Variants in FMN2 observed in about 807,000 individuals in gnomAD.
The protein encoded by FMN2 is formin-2.
A neutral mutation model predicts 142.3 loss-of-function variants in FMN2; 51 were observed. The ratio of observed to expected loss-of-function variants is 0.36; its 90% CI spans 0.29 to 0.45. The LOEUF is 0.45. FMN2 is among the 20% of genes least tolerant of loss of function. The pLI is 1.00. For synonymous variants in FMN2, 882 were observed against 869.8 expected, an observed-to-expected ratio of 1.01 and a Z score of -0.25; for missense variants, 1,936 against 2,122.8, an observed-to-expected ratio of 0.91 and a Z score of 1.73.
At chr1:240,265,996 G>A (rs1475199988) in intron 7 of FMN2, among the ~76,000 whole-genome samples, 4 of 143,082 alleles carry the variant, frequency 2.8e-5, no homozygotes, top group African/African-American at 7.8e-5. Flanking sequence ...AAAGGAGGGT[G>A]TAGAATCCAG....
At chr1:240,195,077 C>T (rs1010451001) in intron 4 of FMN2, among the ~76,000 whole-genome samples, 5 of 152,128 alleles carry the variant, frequency 3.3e-5, no homozygotes, top group African/African-American at 4.8e-5. Context: ...AAGTTGCTTT[C>T]ATTGCATAGG....
chr1:240,136,808 C>T (rs1662959690), intron 2 of FMN2, among the ~76,000 whole-genome samples: 1 of 152,074 alleles, frequency 6.6e-6, no homozygotes, highest in Admixed American at 6.6e-5. Context: ...TGCGGTGGCT[C>T]ACACCTGTAA....
chr1:240,238,057 A>G (rs943423969), intron 6 of FMN2, among the ~76,000 whole-genome samples: 2 of 152,240 alleles, frequency 1.3e-5, no homozygotes, highest in African/African-American at 4.8e-5. Flanking sequence ...AGCAGAATGA[A>G]CTAGCTGGAA....
intron 16 of FMN2, among the ~76,000 whole-genome samples, chr1:240,451,810 T>G (rs1410547924): frequency 6.6e-6 from 1 of 152,098 alleles, no homozygotes; most frequent in Non-Finnish European, 1.5e-5. Flanking sequence ...ATAGTATCTG[T>G]CATTATATTA....
intron 15 of FMN2, among the ~76,000 whole-genome samples, chr1:240,402,041 C>T (rs1319109527): frequency 2.0e-5 from 3 of 152,210 alleles, no homozygotes; most frequent in African/African-American, 4.8e-5. Context: ...TTCTTGAAGG[C>T]TTATTCATGT....
intron 13 of FMN2, among the ~76,000 whole-genome samples, chr1:240,350,059 G>T (rs988191627): frequency 6.6e-6 from 1 of 151,924 alleles, no homozygotes; most frequent in African/African-American, 2.4e-5. Flanking sequence ...AGAGAAGAAT[G>T]GTGTCCAGTC....
intron 4 of FMN2, among the ~76,000 whole-genome samples, chr1:240,203,589 A>G (rs898655423): frequency 2.6e-5 from 4 of 152,310 alleles, no homozygotes; most frequent in African/African-American, 9.6e-5. Context: ...GTTCTCACTT[A>G]TAAGTGGAAG....
rs193220232 is a variant in FMN2, at chr1:240,464,724, C to G, written c.5061-7648C>G. On this transcript the variant is annotated intron_variant, in intron 16 of 17. Transcript: ENST00000319653. The stretch of plus-strand genomic sequence containing the variant: ...GGACCCCCAGGGAGCTGGGGGCAGA[C>G]CCCTCCAGACCCCACAGCATGATGT... Among the ~76,000 whole-genome samples, 464 of 152,216 alleles carry G rather than the reference C, an allele frequency of 3.0e-3. 2 individuals carry two copies. The highest frequency in any genetic ancestry group is 0.01 in the African/African-American group (428 of 41,538).
At chr1:240,447,178 G>T (rs543805700) in intron 16 of FMN2, among the ~76,000 whole-genome samples, 1 of 152,226 alleles carries the variant, frequency 6.6e-6, no homozygotes, top group East Asian at 1.9e-4. Context: ...CTCTGGTTAA[G>T]GTTTAGAAGC....
chr1:240,197,116 C>T (rs1419117510), intron 4 of FMN2, among the ~76,000 whole-genome samples: 1 of 152,152 alleles, frequency 6.6e-6, no homozygotes, highest in Non-Finnish European at 1.5e-5. Context: ...CCCCACCCCC[C>T]AGCCTCGGGA....
chr1:240,114,983 G>A (rs1475424240), intron 1 of FMN2, among the ~76,000 whole-genome samples: 1 of 152,026 alleles, frequency 6.6e-6, no homozygotes, highest in African/African-American at 2.4e-5. Context: ...TGCACATTTT[G>A]GCTGGAATTT....
rs113474799 is a variant in FMN2, at chr1:240,243,274, A to C, written c.4066-14671A>C. Among the ~76,000 whole-genome samples, 187 of 152,328 alleles carry C rather than the reference A, an allele frequency of 1.2e-3. 1 individual carries two copies. Among genetic ancestry groups the C allele is most frequent in the African/African-American group, 4.2e-3 (176 of 41,570 alleles). On this transcript the variant is annotated intron_variant, in intron 6 of 17. Coordinates refer to ENST00000319653, the MANE Select transcript of FMN2 (RefSeq NM_020066.5). ...GAAATAGTATCAGACAGTTCAGAAA[A>C]GGCTCATGGTTCCTGATTCTCATTG...
intron 2 of FMN2, among the ~76,000 whole-genome samples, chr1:240,135,339 A>G (rs147671617): frequency 3.7e-4 from 56 of 152,294 alleles, no homozygotes; most frequent in African/African-American, 1.3e-3. Flanking sequence ...ATAGGAAGAA[A>G]TCTGCTTACT....
At chr1:240,104,297 T>G (rs1280668955) in intron 1 of FMN2, among the ~76,000 whole-genome samples, 2 of 151,922 alleles carry the variant, frequency 1.3e-5, no homozygotes, top group South Asian at 4.1e-4. Flanking sequence ...CAGGATCTAC[T>G]ATTCCTCACC....
At chr1:240,206,764 C>A (rs773684975) in intron 4 of FMN2, 35 bp from the exon 5 acceptor site, 1 of 1,566,436 alleles carries the variant, frequency 6.4e-7, no homozygotes, top group South Asian at 1.2e-5. Flanking sequence ...TTCCTTATTT[C>A]ATAACTAACT....
intron 14 of FMN2, among the ~76,000 whole-genome samples, chr1:240,361,146 T>A (rs1404060284): frequency 0.17 from 2,548 of 15,258 alleles, 108 homozygotes; most frequent in African/African-American, 0.47. Flanking sequence ...TATGTGTATA[T>A]ATATATATAT....
At position 240,093,402 on chromosome 1, in the gene FMN2, C is replaced by G. The variant is rs773768122; in HGVS notation, c.1293C>G (p.His431Gln). The G allele has an allele frequency of 1.9e-6, 3 of 1,613,618 alleles. No homozygotes were observed. Among genetic ancestry groups the G allele is most frequent in the Non-Finnish European group, 2.5e-6 (3 of 1,179,758 alleles). Residue 431 changes from histidine (H) to glutamine (Q), a missense_variant, in exon 1 of 18, where the codon CAC (histidine) becomes CAG (glutamine). By Grantham distance (24) the His-to-Gln change is conservative (BLOSUM62 0). Transcript: ENST00000319653. ...CCCGGCAGCTCAGCTCGCCCAATCA[C>G]TCCCCGTCTCAGTCCCCTAATCAGA... ...TTTRQLSSPN[H>Q]SPSQSPNQSP... is the part of the protein sequence containing the mutation.
At chr1:240,409,748 A>C in intron 15 of FMN2, among the ~76,000 whole-genome samples, 1 of 152,322 alleles carries the variant, frequency 6.6e-6, no homozygotes, top group African/African-American at 2.4e-5. Context: ...CCAAACAATA[A>C]GGAAAATAGC....
chr1:240,361,141 G>GTGTATATATATATATA (rs1482884783), intron 14 of FMN2, among the ~76,000 whole-genome samples: 1 of 43,240 alleles, frequency 2.3e-5, no homozygotes, highest in Non-Finnish European at 3.7e-5. Context: ...AAATATATGT[G>GTGTATATATATATATA]TATATATATA....
Sources: gnomAD v4.1 joint callset for allele counts (sites outside exome capture counted in the v4.1 genomes callset) on GRCh38, gnomAD v4.1.1 for gene constraint, MANE v1.5 for transcripts, NCBI Gene and HGNC (gene_info 2026-07-23, HGNC 2026-07-21) for gene names.